ITGAD: variants seen among roughly 807,000 people sequenced by gnomAD.
The protein encoded by ITGAD is integrin subunit alpha D.
In ITGAD, 105 loss-of-function variants were observed where a neutral mutation model predicts 139.0. The ratio of observed to expected loss-of-function variants is 0.76; its 90% CI spans 0.65 to 0.89. The LOEUF (loss-of-function observed/expected upper bound fraction) is 0.89. Among genes scored for constraint, ITGAD ranks in the 40% least tolerant of loss-of-function variants. ITGAD has a pLI of 0.00. For missense variants in ITGAD, 1,384 were observed against 1,487.3 expected (o/e 0.93, Z 1.14); for synonymous variants, 569 against 598.3 (o/e 0.95, Z 0.71).
At chr16:31,415,911 C>T (rs116243422) in intron 18 of ITGAD, among the ~76,000 whole-genome samples, 1 of 152,332 alleles carries the variant, frequency 6.6e-6, no homozygotes, top group African/African-American at 2.4e-5. Context: ...CCACCTTCCC[C>T]CAGCCCTCGC....
In ITGAD at chr16:31,408,005, C is replaced by A; in HGVS notation, c.1009+89C>A. ...TTTTTTTTTTTGAGATGGAGTCTCA[C>A]TTTGTCCCCAGGCTGGAGTGTAGTG... On this transcript the variant is annotated intron_variant, in intron 9 of 29. Coordinates refer to ENST00000389202, the MANE Select transcript of ITGAD (RefSeq NM_005353.3). The A allele has an allele frequency of 4.4e-6, 6 of 1,366,040 alleles. No individual in the cohort carries two copies. The South Asian group carries it at 7.4e-5, about 17-fold the overall frequency. The allele number at this position is 1,366,040 out of a possible 1,614,324, so 84.6% of individuals were successfully genotyped here. A position where few individuals can be genotyped will look rare whatever the true frequency, so the allele number is the denominator to read the frequency against.
intron 14 of ITGAD, 79 bp downstream of exon 14, chr16:31,411,596 G>A (rs370276316): frequency 1.5e-6 from 2 of 1,350,976 alleles, no homozygotes; most frequent in Non-Finnish European, 2.1e-6. Context: ...TCCTGTCTCT[G>A]TCACCATTCC....
chr16:31,411,282 G>A (rs780377745), intron 13 of ITGAD, 26 bp from the exon 14 acceptor site: 5 of 1,608,312 alleles, frequency 3.1e-6, no homozygotes, highest in Middle Eastern at 3.3e-4. Context: ...CCTGGATTGG[G>A]GTCTGACACT....
intron 7 of ITGAD, among the ~76,000 whole-genome samples, chr16:31,406,743 C>T (rs561415960): frequency 1.3e-5 from 2 of 152,186 alleles, no homozygotes; most frequent in Non-Finnish European, 2.9e-5. Context: ...CTATAACTGG[C>T]ATGGTGTCAC....
At chr16:31,405,731 C>T (rs1420598339) in intron 7 of ITGAD, among the ~76,000 whole-genome samples, 1 of 150,628 alleles carries the variant, frequency 6.6e-6, no homozygotes, top group Non-Finnish European at 1.5e-5. Flanking sequence ...CAGCCTCCAG[C>T]TCCTGGGCTC....
At position 31,407,499 on chromosome 16, in the gene ITGAD, C is replaced by T. The variant is rs200225192; in HGVS notation, c.705-16C>T. ...ATCACATCTCAGTAGAGTCATCTTC[C>T]TTTCCTCCCCGACAGGACACAGCTA... is the stretch of plus-strand genomic sequence containing the variant. On this transcript the variant is annotated splice_polypyrimidine_tract_variant and intron_variant, in intron 7 of 29. Transcript: ENST00000389202. 3.5e-5 allele frequency: 54 copies of T among 1,556,074 alleles called. No individual in the cohort carries two copies. The highest frequency in any genetic ancestry group is 1.2e-4 in the South Asian group (10 of 82,190).
Position 31,418,587 on chromosome 16 carries a change from C to CT in ITGAD, c.2780+25dup, listed in dbSNP as rs758984356. ...CAGGTGCCCAGTCCCTGGCCTTCCC[C>CT]TTGGACCTCTGGCCTTCCTCTATGC... On this transcript the variant is annotated intron_variant, in intron 23 of 29. Coordinates refer to ENST00000389202, the MANE Select transcript of ITGAD (RefSeq NM_005353.3). The CT allele has an allele frequency of 6.3e-6, 10 of 1,584,686 alleles. No individual in the cohort carries two copies. The Admixed American group carries it at 1.7e-4, about 26-fold the overall frequency.
chr16:31,394,397 G>A, intron 2 of ITGAD, 56 bp downstream of exon 2: 1 of 1,324,442 alleles, frequency 7.6e-7, no homozygotes, highest in Non-Finnish European at 1.1e-6. Context: ...CCTGTGGATG[G>A]GTACACGTGG....
At chr16:31,397,237 A>T in intron 2 of ITGAD, 122 bp from the exon 3 acceptor site, 1 of 672,444 alleles carries the variant, frequency 1.5e-6, no homozygotes, top group Non-Finnish European at 2.6e-6. Context: ...CAAGTGGCAA[A>T]TGCCAGGAAT....
chr16:31,412,010 G>T (rs150232553), intron 14 of ITGAD, among the ~76,000 whole-genome samples: 2 of 151,718 alleles, frequency 1.3e-5, no homozygotes, highest in Non-Finnish European at 1.5e-5. Flanking sequence ...ATGACGGGTT[G>T]GACCCAAAGA....
chr16:31,426,242 CA>C lies in ITGAD; in HGVS notation c.*115del. ...ATCTGCACTGGCCTAAGCAACCTAC[CA>C]GGTGCTAAGCACCTTCTCGGAGAGA... On this transcript the variant is annotated 3_prime_UTR_variant, in exon 30 of 30. Coordinates refer to ENST00000389202, the MANE Select transcript of ITGAD (RefSeq NM_005353.3). 1.4e-6 allele frequency: 1 copy of C among 701,862 alleles called. No individual in the cohort carries two copies. The highest frequency in any genetic ancestry group is 2.6e-6 in the Non-Finnish European group (1 of 387,756). 43.5% of individuals were successfully genotyped at this position (701,862 alleles called of 1,614,324 possible). A position where few individuals can be genotyped will look rare whatever the true frequency, so the allele number is the denominator to read the frequency against.
intron 4 of ITGAD, 22 bp from the exon 5 acceptor site, chr16:31,397,773 G>A (rs1253267737): frequency 6.2e-7 from 1 of 1,607,008 alleles, no homozygotes; most frequent in Admixed American, 1.7e-5. Flanking sequence ...GGGACTCCTG[G>A]CTCACAGGCT....
intron 9 of ITGAD, 62 bp downstream of exon 9, chr16:31,407,978 G>T: frequency 1.3e-6 from 2 of 1,486,508 alleles, no homozygotes; most frequent in Non-Finnish European, 1.8e-6. Flanking sequence ...TCCCGTGCAG[G>T]CTTTTTTTTT....
At chr16:31,394,094 G>A (rs1304934837) in intron 1 of ITGAD, 142 bp from the exon 2 acceptor site, 1 of 511,328 alleles carries the variant, frequency 2.0e-6, no homozygotes, top group Admixed American at 3.5e-5. Context: ...TCGTGCCGTT[G>A]CACTCCAGCC....
Position 31,414,961 on chromosome 16 carries a change from CG to C in ITGAD, c.2254del (p.Val752TrpfsTer39). The C allele has an allele frequency of 6.2e-7, 1 of 1,614,078 alleles. No homozygotes were observed. ...CCCAGAACCTGCGTCCTGTGCTGGCCGTGGGCTCACAAGACCTCTTCACTGC... is the reference window on the plus strand; with the variant it reads ...CCCAGAACCTGCGTCCTGTGCTGGCCTGGGCTCACAAGACCTCTTCACTGC... ...SPQNLRPVLA[V>X]GSQDLFTASL... On this transcript the variant is annotated frameshift_variant, in exon 18 of 30. Transcript: ENST00000389202. LOFTEE classifies it high-confidence loss of function.
intron 2 of ITGAD, among the ~76,000 whole-genome samples, chr16:31,396,845 A>G (rs1597102686): frequency 6.6e-6 from 1 of 152,172 alleles, no homozygotes. Context: ...ATCCTAGTAC[A>G]CTGCTTTACA....
Position 31,393,401 on chromosome 16 carries a change from G to C in ITGAD, c.31+10G>C, listed in dbSNP as rs756977248. 6.2e-7 allele frequency: 1 copy of C among 1,614,040 alleles called. No individual in the cohort carries two copies. Among genetic ancestry groups the C allele is most frequent in the South Asian group, 1.1e-5 (1 of 91,088 alleles). ...GTGCTTCTTCTGAGTGGTAAGTGGG[G>C]CCAGGGTGCTGGGGAGAAGCTTGGA... is the stretch of plus-strand genomic sequence containing the variant. On this transcript the variant is annotated intron_variant, in intron 1 of 29. Transcript: ENST00000389202.
At chr16:31,397,305 G>C in intron 2 of ITGAD, 54 bp from the exon 3 acceptor site, 6 of 1,266,564 alleles carry the variant, frequency 4.7e-6, no homozygotes, top group Non-Finnish European at 6.7e-6. Context: ...CCAAGTGCCC[G>C]CTGCTCCCAC....
In ITGAD at chr16:31,426,041, G is replaced by A. The variant is rs369919037; in HGVS notation, c.3399G>A (p.Lys1133=). 26 of 1,613,848 alleles carry A rather than the reference G, an allele frequency of 1.6e-5. No individual in the cohort carries two copies. Among genetic ancestry groups the A allele is most frequent in the Non-Finnish European group, 2.0e-5 (24 of 1,179,858 alleles). ...YKLGFFKRHY[K]EMLEDKPEDT... is the part of the protein sequence containing the mutation. The stretch of plus-strand genomic sequence containing the variant: ...TTGGCTTCTTCAAACGCCACTACAA[G>A]GAAATGCTGGAGGACAAGCCTGAAG... The change falls in exon 30 of 30, where the codon AAG becomes AAA. Residue 1133 remains lysine (K), a synonymous_variant. Coordinates refer to ENST00000389202, the MANE Select transcript of ITGAD (RefSeq NM_005353.3).
Sources: allele counts gnomAD v4.1 joint callset (sites outside exome capture counted in the v4.1 genomes callset), GRCh38; gene constraint gnomAD v4.1.1; transcripts MANE v1.5; gene names NCBI Gene and HGNC (gene_info 2026-07-23, HGNC 2026-07-21).